The following PALD1 variants were observed in gnomAD, a reference collection of about 807,000 sequenced individuals.
PALD1 encodes the protein paladin.
A neutral mutation model predicts 96.0 loss-of-function variants in PALD1; 57 were observed. The ratio of observed to expected loss-of-function variants is 0.59; its 90% CI spans 0.48 to 0.74. The LOEUF (loss-of-function observed/expected upper bound fraction) is 0.74, where lower values mean the gene tolerates loss of function less well. Among genes scored for constraint, PALD1 ranks in the 30% least tolerant of loss-of-function variants. The probability of loss-of-function intolerance (pLI) is 0.00; values close to 1 mark genes in which losing one functional copy is unlikely to be tolerated. For synonymous variants in PALD1, 464 were observed against 473.6 expected, an observed-to-expected ratio of 0.98 and a Z score of 0.26; for missense variants, 1,063 against 1,143.7, an observed-to-expected ratio of 0.93 and a Z score of 1.02.
Position 70,529,904 on chromosome 10 carries a change from G to A in PALD1, c.304G>A (p.Val102Met). Residue 102 changes from valine to methionine, a missense_variant, in exon 4 of 20, where the codon GTG becomes ATG. By Grantham distance (21) the Val-to-Met change is conservative. Transcript: ENST00000263563. ...HYLVQGRYFLVRDVTEKMDVL... is the reference protein window; with the variant it reads ...HYLVQGRYFLMRDVTEKMDVL... ...CCCCTGCCAGGGCCGCTACTTCCTG[G>A]TGCGGGATGTCACTGAGAAGATGGA... The A allele has an allele frequency of 6.2e-7, 1 of 1,613,792 alleles. No individual in the cohort carries two copies. The highest frequency in any genetic ancestry group is 1.1e-5 in the South Asian group (1 of 91,076).
upstream of PALD1, chr10:70,478,733 G>C (rs936544565): frequency 6.6e-6 from 1 of 151,966 alleles, no homozygotes; most frequent in African/African-American, 2.4e-5. Flanking sequence ...GGGGGCGGGC[G>C]CGGTGATTGG....
chr10:70,560,031 C>T (rs1366783153), intron 18 of PALD1, among the ~76,000 whole-genome samples: 3 of 152,142 alleles, frequency 2.0e-5, no homozygotes, highest in African/African-American at 4.8e-5. Context: ...GGCTGGTGCC[C>T]GCCCCTGGGT....
chr10:70,532,728 G>C lies in PALD1; in HGVS notation c.741G>C (p.Leu247Phe), dbSNP rs771868448. The C allele has an allele frequency of 1.2e-6, 2 of 1,614,208 alleles. No homozygotes were observed. The highest frequency in any genetic ancestry group is 2.2e-5 in the South Asian group (2 of 91,076). ...HAVAIHGEDDLHVTEEVYKRP... is the reference protein window; with the variant it reads ...HAVAIHGEDDFHVTEEVYKRP... The stretch of plus-strand genomic sequence containing the variant: ...TGGCCATCCATGGTGAGGACGACTT[G>C]CATGTGACGGAGGAGGTGTACAAGC... The change falls in exon 6 of 20, where the codon TTG (leucine) becomes TTC (phenylalanine). Residue 247 changes from leucine to phenylalanine, a missense_variant. Coordinates refer to ENST00000263563, the MANE Select transcript of PALD1 (RefSeq NM_014431.3).
rs763319337 is a variant in PALD1 at position 70,526,109 on chromosome 10, C to G, written c.158C>G (p.Pro53Arg). The G allele has an allele frequency of 6.2e-7, 1 of 1,614,194 alleles. No individual in the cohort carries two copies. Among genetic ancestry groups the G allele is most frequent in the South Asian group, 1.1e-5 (1 of 91,076 alleles). Reference protein sequence around the residue: ...LHNSKAKSIIPNKVAPVVITY... With the variant: ...LHNSKAKSIIRNKVAPVVITY... ...AACAGCAAGGCCAAGTCCATCATCC[C>G]CAACAAGGTGGCCCCTGTTGTGATC... Residue 53 changes from proline to arginine, a missense_variant, in exon 2 of 20, where the codon CCC becomes CGC. By Grantham distance (103) the Pro-to-Arg change is moderately radical. Coordinates refer to ENST00000263563, the MANE Select transcript of PALD1 (RefSeq NM_014431.3).
intron 11 of PALD1, among the ~76,000 whole-genome samples, 158 bp downstream of exon 11, chr10:70,538,064 G>T (rs1393225474): frequency 1.3e-5 from 2 of 152,192 alleles, no homozygotes; most frequent in African/African-American, 4.8e-5. Flanking sequence ...TCCCTGAGCA[G>T]CTGGGCATAG....
At chr10:70,495,760 TG>T (rs1265410154) in intron 1 of PALD1, among the ~76,000 whole-genome samples, 7 of 150,562 alleles carry the variant, frequency 4.6e-5, no homozygotes. Context: ...ATCCCAGCAC[TG>T]TGGGAGGCTG....
At chr10:70,509,462 T>C (rs1846469456) in intron 1 of PALD1, among the ~76,000 whole-genome samples, 1 of 152,246 alleles carries the variant, frequency 6.6e-6, no homozygotes. Flanking sequence ...TATTGTGGGC[T>C]GAATCCTGTT....
intron 18 of PALD1, among the ~76,000 whole-genome samples, chr10:70,557,706 A>G (rs1847638918): frequency 6.6e-6 from 1 of 152,128 alleles, no homozygotes; most frequent in African/African-American, 2.4e-5. Flanking sequence ...GTGGGCTGCC[A>G]GCCCTGGAAC....
At chr10:70,486,994 C>T (rs554192091) in intron 1 of PALD1, among the ~76,000 whole-genome samples, 144 of 152,168 alleles carry the variant, frequency 9.5e-4, no homozygotes, top group East Asian at 9.7e-4. Context: ...TCCCTAGAGA[C>T]GAGCCCCAGA....
intron 18 of PALD1, among the ~76,000 whole-genome samples, chr10:70,549,214 A>G (rs112775709): frequency 0.01 from 1,590 of 152,194 alleles, 8 homozygotes; most frequent in Non-Finnish European, 0.016. Context: ...CCCACTCACA[A>G]TGGTCTTTTG....
chr10:70,563,918 CAG>C (rs1236589634), intron 18 of PALD1, among the ~76,000 whole-genome samples: 2 of 152,208 alleles, frequency 1.3e-5, no homozygotes, highest in African/African-American at 4.8e-5. Context: ...TGAGGGGCAG[CAG>C]AGAGAGGAGT....
chr10:70,541,182 C>A lies in PALD1; in HGVS notation c.1989C>A (p.Ser663Arg). The change falls in exon 16 of 20, where the codon AGC (serine) becomes AGA (arginine). Residue 663 changes from serine (S) to arginine (R), a missense_variant. By Grantham distance (110) the Ser-to-Arg change is moderately radical. Transcript: ENST00000263563. ...PGTGFVFSCLSGQGRTTTAMV... is the reference protein window; with the variant it reads ...PGTGFVFSCLRGQGRTTTAMV... ...CTGGCTTCGTGTTCAGCTGCCTCAGCGGCCAGGGCCGTACCACAACTGCGA... is the reference window on the plus strand; with the variant it reads ...CTGGCTTCGTGTTCAGCTGCCTCAGAGGCCAGGGCCGTACCACAACTGCGA... 1.2e-6 allele frequency: 2 copies of A among 1,613,794 alleles called. No individual in the cohort carries two copies. The highest frequency in any genetic ancestry group is 1.7e-6 in the Non-Finnish European group (2 of 1,179,826).
intron 1 of PALD1, among the ~76,000 whole-genome samples, chr10:70,520,735 A>T (rs1247204851): frequency 6.0e-5 from 7 of 116,912 alleles, no homozygotes; most frequent in Admixed American, 1.2e-4. Context: ...CTTGTTGCCC[A>T]GGCTGGAGTG....
intron 8 of PALD1, 90 bp from the exon 9 acceptor site, chr10:70,534,335 C>A: frequency 1.1e-6 from 1 of 880,730 alleles, no homozygotes; most frequent in Non-Finnish European, 1.8e-6. Flanking sequence ...GTCTGGTGTC[C>A]CCCAGCGGCC....
In PALD1 at chr10:70,547,302, C is replaced by T. The variant is rs1232567776; in HGVS notation, c.2122-4C>T. The T allele has an allele frequency of 2.5e-6, 4 of 1,613,350 alleles. No homozygotes were observed. The highest frequency in any genetic ancestry group is 3.4e-6 in the Non-Finnish European group (4 of 1,179,596). ...GTCTGCTCACCCCCCTTCTCTGGCC[C>T]CAGGTAGTAATGAAGGTGGTGCAGC... is the stretch of plus-strand genomic sequence containing the variant. On this transcript the variant is annotated splice_region_variant and splice_polypyrimidine_tract_variant and intron_variant, in intron 17 of 19. Coordinates refer to ENST00000263563, the MANE Select transcript of PALD1 (RefSeq NM_014431.3).
chr10:70,472,408 C>T, the PALD1 span, among the ~76,000 whole-genome samples: 1 of 152,010 alleles, frequency 6.6e-6, no homozygotes, highest in African/African-American at 2.4e-5. Flanking sequence ...TTATAGGTGC[C>T]TGCCACCATG....
intron 18 of PALD1, among the ~76,000 whole-genome samples, chr10:70,561,145 G>T (rs528236232): frequency 6.6e-6 from 1 of 152,222 alleles, no homozygotes; most frequent in Non-Finnish European, 1.5e-5. Flanking sequence ...TTACCCCAGA[G>T]AATCTTTCTC....
At chr10:70,528,494 G>C (rs540466162) in intron 2 of PALD1, among the ~76,000 whole-genome samples, 1 of 152,190 alleles carries the variant, frequency 6.6e-6, no homozygotes, top group Non-Finnish European at 1.5e-5. Context: ...CTTGTCCAAA[G>C]CTATAGAGTT....
In PALD1 at chr10:70,541,135, G is replaced by A. The variant is rs61747986; in HGVS notation, c.1942G>A (p.Ala648Thr). 2,709 of 1,612,308 alleles carry A rather than the reference G, an allele frequency of 1.7e-3. 22 individuals are homozygous for A. Among genetic ancestry groups the A allele is most frequent in the African/African-American group, 8.3e-3 (620 of 74,928 alleles). Residue 648 changes from alanine to threonine, a missense_variant, in exon 16 of 20, where the codon GCC (alanine) becomes ACC (threonine). Transcript: ENST00000263563. ...FDQLLEALRAALSKDPGTGFV... is the reference protein window; with the variant it reads ...FDQLLEALRATLSKDPGTGFV... ...CCAGCTGCTGGAGGCCCTGCGGGCC[G>A]CCCTCTCCAAGGACCCAGGCACTGG... is the stretch of plus-strand genomic sequence containing the variant.
Sources: gnomAD v4.1 joint callset for allele counts (sites outside exome capture counted in the v4.1 genomes callset) on GRCh38, gnomAD v4.1.1 for gene constraint, MANE v1.5 for transcripts, NCBI Gene and HGNC (gene_info 2026-07-23, HGNC 2026-07-21) for gene names.